HORMAD2: variants seen among roughly 807,000 people sequenced by gnomAD.
HORMAD2 encodes HORMA domain-containing protein 2.
In HORMAD2, 45 loss-of-function variants were observed where a neutral mutation model predicts 38.8. The ratio of observed to expected loss-of-function variants is 1.16; its 90% CI spans 0.91 to 1.49. The LOEUF is 1.49. Ranked by LOEUF, HORMAD2 falls within the 40% of genes most tolerant of loss-of-function variation. HORMAD2 has a pLI of 0.00. For synonymous variants in HORMAD2, 126 were observed against 122.8 expected (o/e 1.03, Z -0.17); for missense variants, 338 against 367.0 (o/e 0.92, Z 0.65).
chr22:30,144,743 C>G (rs1924306543), intron 10 of HORMAD2, among the ~76,000 whole-genome samples: 1 of 143,566 alleles, frequency 7.0e-6, no homozygotes, highest in South Asian at 2.3e-4. Flanking sequence ...GGTACAGTAC[C>G]CTAGGCAGAA....
the HORMAD2 span, among the ~76,000 whole-genome samples, chr22:30,193,457 TG>T: frequency 6.6e-6 from 1 of 152,046 alleles, no homozygotes; most frequent in East Asian, 1.9e-4. Flanking sequence ...CATTAAACCT[TG>T]TGAAAGGGGT....
At chr22:30,113,170 C>A (rs779303092) in intron 7 of HORMAD2, among the ~76,000 whole-genome samples, 17 of 152,036 alleles carry the variant, frequency 1.1e-4, no homozygotes, top group Non-Finnish European at 2.1e-4. Flanking sequence ...TCCAGCAGAA[C>A]CCCACAATTT....
intron 10 of HORMAD2, among the ~76,000 whole-genome samples, chr22:30,145,149 T>A (rs368244046): frequency 6.6e-6 from 1 of 152,196 alleles, no homozygotes; most frequent in South Asian, 2.1e-4. Context: ...TTAAAAATAG[T>A]TTTTAGCAGT....
chr22:30,127,606 G>A (rs1171333080), intron 10 of HORMAD2, among the ~76,000 whole-genome samples: 1 of 152,180 alleles, frequency 6.6e-6, no homozygotes, highest in Non-Finnish European at 1.5e-5. Context: ...GCCTCCTCAA[G>A]TGCTGGGATT....
chr22:30,090,427 G>A (rs992319978), intron 1 of HORMAD2, among the ~76,000 whole-genome samples: 11 of 152,248 alleles, frequency 7.2e-5, no homozygotes, highest in Non-Finnish European at 1.5e-4. Context: ...ACCACATTTT[G>A]TTTATCCATT....
chr22:30,156,043 C>A (rs1925053573), intron 10 of HORMAD2, among the ~76,000 whole-genome samples: 1 of 152,198 alleles, frequency 6.6e-6, no homozygotes, highest in South Asian at 2.1e-4. Context: ...CTCTGGCATT[C>A]CCACTGTGGG....
the HORMAD2 span, among the ~76,000 whole-genome samples, chr22:30,205,229 G>C: frequency 3.5e-4 from 53 of 151,706 alleles, no homozygotes; most frequent in Non-Finnish European, 6.5e-4. Context: ...GTCAGAGAGG[G>C]TGTGTGTGTG....
chr22:30,121,519 A>G, intron 8 of HORMAD2, 113 bp from the exon 9 acceptor site: 1 of 831,024 alleles, frequency 1.2e-6, no homozygotes, highest in Non-Finnish European at 1.7e-6. Flanking sequence ...AAAAGTCTCA[A>G]AATATACTAA....
At chr22:30,107,520 G>A (rs570003074) in intron 5 of HORMAD2, among the ~76,000 whole-genome samples, 4 of 152,182 alleles carry the variant, frequency 2.6e-5, no homozygotes, top group Non-Finnish European at 4.4e-5. Context: ...AGGCTGAGAC[G>A]GGTGGATCTC....
intron 10 of HORMAD2, among the ~76,000 whole-genome samples, chr22:30,151,788 A>G (rs1288071037): frequency 6.6e-6 from 1 of 152,252 alleles, no homozygotes; most frequent in Admixed American, 6.5e-5. Context: ...GAAAGATGAC[A>G]TAGATACTTT....
chr22:30,178,951 T>C (rs1268009920), downstream of HORMAD2, among the ~76,000 whole-genome samples: 5 of 152,204 alleles, frequency 3.3e-5, no homozygotes, highest in Non-Finnish European at 7.3e-5. Context: ...ATTTCCCCTC[T>C]TGCAGGTCCC....
chr22:30,183,384 T>C, the HORMAD2 span, among the ~76,000 whole-genome samples: 1 of 152,046 alleles, frequency 6.6e-6, no homozygotes, highest in Non-Finnish European at 1.5e-5. Flanking sequence ...AGGCACCAAC[T>C]CCTCTGCTTT....
chr22:30,122,043 C>T lies in HORMAD2; in HGVS notation c.648C>T (p.Ile216=). 1 of 1,613,448 alleles carries T rather than the reference C, an allele frequency of 6.2e-7. No homozygotes were observed. Among genetic ancestry groups the T allele is most frequent in the Non-Finnish European group, 8.5e-7 (1 of 1,179,668 alleles). ...TCCTGCTGTTTGACAAGGAGCCTAT[C>T]AACGTGCAAGTGGGATTTGTCTCCA... is the stretch of plus-strand genomic sequence containing the variant. The part of the protein sequence containing the change: ...SHFLLFDKEP[I]NVQVGFVSTG... Residue 216 remains isoleucine, a synonymous_variant, in exon 10 of 11, where the codon ATC becomes ATT. Transcript: ENST00000336726.
At position 30,159,218 on chromosome 22, in the gene HORMAD2, G is replaced by T. The variant is rs531390746; in HGVS notation, c.820-16845G>T. On this transcript the variant is annotated intron_variant, in intron 10 of 10. Coordinates refer to ENST00000336726, the MANE Select transcript of HORMAD2 (RefSeq NM_152510.4). ...TTTTGAAAGCCCTCAGAATAAAAAT[G>T]TACCATATGCCCTGCCATAATACTG... Among the ~76,000 whole-genome samples the T allele has an allele frequency of 2.0e-4, 30 of 152,240 alleles. No individual in the cohort carries two copies. In the South Asian group the frequency reaches 6.2e-3, roughly 32 times the overall value.
At chr22:30,195,454 A>C in the HORMAD2 span, among the ~76,000 whole-genome samples, 5 of 152,080 alleles carry the variant, frequency 3.3e-5, no homozygotes, top group Non-Finnish European at 5.9e-5. Context: ...CAAAGAGGGG[A>C]AGTGAGTTGT....
At chr22:30,130,586 C>CTTTT (rs66636269) in intron 10 of HORMAD2, among the ~76,000 whole-genome samples, 283 of 87,412 alleles carry the variant, frequency 3.2e-3, no homozygotes, top group Non-Finnish European at 4.5e-3. Flanking sequence ...CTTTTCTTTT[C>CTTTT]TTTTTTTTTT....
intron 5 of HORMAD2, among the ~76,000 whole-genome samples, chr22:30,107,971 C>A (rs1921329117): frequency 6.6e-6 from 1 of 150,480 alleles, no homozygotes; most frequent in African/African-American, 2.4e-5. Flanking sequence ...CGAGTTCAAG[C>A]AATTCTTCTG....
Position 30,103,649 on chromosome 22 carries a change from A to ATTTTTTTTTTTT in HORMAD2, c.257+169_257+180dup, listed in dbSNP as rs71198524. ...CTTTCTTTTTCTTTTTCTGTTTTTGATTTTTTTTTTTTTTTTTTTTTTTTT... is the reference window on the plus strand; with the variant it reads ...CTTTCTTTTTCTTTTTCTGTTTTTGATTTTTTTTTTTTTTTTTTTTTTTTTTTTTTTTTTTTT... On this transcript the variant is annotated intron_variant, in intron 4 of 10. Coordinates refer to ENST00000336726, the MANE Select transcript of HORMAD2 (RefSeq NM_152510.4). The ATTTTTTTTTTTT allele has an allele frequency of 7.7e-4, 58 of 75,316 alleles. 14 individuals are homozygous for ATTTTTTTTTTTT. The highest frequency in any genetic ancestry group is 3.5e-3 in the African/African-American group (27 of 7,688). 4.7% of individuals were successfully genotyped at this position (75,316 alleles called of 1,614,324 possible). A position where few individuals can be genotyped will look rare whatever the true frequency, so the allele number is the denominator to read the frequency against.
chr22:30,119,648 CA>C (rs1282193731), intron 8 of HORMAD2, among the ~76,000 whole-genome samples: 3 of 152,082 alleles, frequency 2.0e-5, no homozygotes, highest in African/African-American at 4.8e-5. Context: ...TCAGACCTGC[CA>C]GGGGGGATGG....
Sources: gnomAD v4.1 joint callset for allele counts (sites outside exome capture counted in the v4.1 genomes callset) on GRCh38, gnomAD v4.1.1 for gene constraint, MANE v1.5 for transcripts, NCBI Gene and HGNC (gene_info 2026-07-23, HGNC 2026-07-21) for gene names.